The following TENM3 variants were observed in gnomAD, a reference collection of about 807,000 sequenced individuals.
TENM3 encodes the protein teneurin transmembrane protein 3, also known as teneurin-3.
Under a neutral mutation model 255.1 loss-of-function variants are expected in TENM3, and 63 were observed. The observed-to-expected ratio is 0.25, with a 90% confidence interval of 0.20 to 0.30. The LOEUF (loss-of-function observed/expected upper bound fraction) is 0.30, where lower values mean the gene tolerates loss of function less well. Among genes scored for constraint, TENM3 ranks in the 10% least tolerant of loss-of-function variants. TENM3 has a pLI of 1.00. For synonymous variants in TENM3, 1,306 were observed against 1,322.3 expected (o/e 0.99, Z 0.27); for missense variants, 2,929 against 3,461.1 (o/e 0.85, Z 3.86).
chr4:181,992,161 GAACGGA>G, the TENM3 span, among the ~76,000 whole-genome samples: 3 of 151,990 alleles, frequency 2.0e-5, no homozygotes, highest in South Asian at 6.2e-4. Flanking sequence ...ATGCCTTTTT[GAACGGA>G]AATAACAGGC....
intron 1 of TENM3, among the ~76,000 whole-genome samples, chr4:182,253,820 C>A (rs1378716248): frequency 6.6e-6 from 1 of 152,044 alleles, no homozygotes; most frequent in Non-Finnish European, 1.5e-5. Flanking sequence ...GTGACATTTG[C>A]CTCTAAATCG....
intron 11 of TENM3, 143 bp downstream of exon 11, chr4:182,682,157 G>A (rs573908044): frequency 2.8e-6 from 2 of 720,222 alleles, no homozygotes; most frequent in Non-Finnish European, 4.5e-6. Flanking sequence ...TAAAAGTAAT[G>A]ATATGTAGTT....
rs764345059 is a variant in TENM3, at chr4:182,346,833, G to A, written c.415G>A (p.Val139Ile). 18 of 1,613,220 alleles carry A rather than the reference G, an allele frequency of 1.1e-5. No homozygotes were observed. In the South Asian group the frequency reaches 1.6e-4, roughly 15 times the overall value. Residue 139 changes from valine (V) to isoleucine (I), a missense_variant, in exon 3 of 28, where the codon GTC becomes ATC. By Grantham distance (29) the Val-to-Ile change is conservative. Transcript: ENST00000511685. The part of the protein sequence containing the change: ...EHAMRLWGRG[V>I]KSGRSSCLSS... ...TGCCATGAGACTTTGGGGCAGGGGG[G>A]TCAAATCAGGCCGCAGCTCCTGCCT...
chr4:182,373,166 T>TTC (rs1766961068), intron 3 of TENM3, among the ~76,000 whole-genome samples: 1 of 152,184 alleles, frequency 6.6e-6, no homozygotes, highest in East Asian at 1.9e-4. Context: ...TGCCATTGCT[T>TTC]TGCAGAGAAG....
At chr4:181,608,743 G>T in the TENM3 span, among the ~76,000 whole-genome samples, 1 of 152,144 alleles carries the variant, frequency 6.6e-6, no homozygotes. Context: ...GTGTCAAGGG[G>T]TTCAAGGGCT....
At chr4:182,485,710 A>G (rs895868030) in intron 3 of TENM3, among the ~76,000 whole-genome samples, 2 of 152,164 alleles carry the variant, frequency 1.3e-5, no homozygotes, top group African/African-American at 2.4e-5. Context: ...AAAAACCAGT[A>G]TTTCGGTAAT....
the TENM3 span, among the ~76,000 whole-genome samples, chr4:182,036,487 G>A: frequency 2.6e-5 from 4 of 151,058 alleles, no homozygotes; most frequent in Non-Finnish European, 5.9e-5. Context: ...CACCGCACCC[G>A]GCCGATAATC....
At chr4:181,495,078 T>G in the TENM3 span, among the ~76,000 whole-genome samples, 1 of 152,196 alleles carries the variant, frequency 6.6e-6, no homozygotes, top group African/African-American at 2.4e-5. Context: ...TTAAAGATAA[T>G]CAGTAAGGAA....
intron 3 of TENM3, among the ~76,000 whole-genome samples, chr4:182,363,212 A>G (rs1766153631): frequency 6.6e-6 from 1 of 152,198 alleles, no homozygotes; most frequent in African/African-American, 2.4e-5. Flanking sequence ...GATTGCTGTC[A>G]GGACTAGTCC....
rs1397631706 is a variant in TENM3, at chr4:182,802,921, GTTCTT to G, written c.*2574_*2578del. ...ATGTAAATTTTGTCTGATTTGTATT[GTTCTT>G]TTCATTTGCCTTCTTAACTTTATAT... On this transcript the variant is annotated 3_prime_UTR_variant, in exon 28 of 28. Transcript: ENST00000511685. 2.6e-5 allele frequency: 4 copies of G among 152,562 alleles called. No homozygotes were observed. Among genetic ancestry groups the G allele is most frequent in the Non-Finnish European group, 5.9e-5 (4 of 68,022 alleles). 9.5% of individuals were successfully genotyped at this position (152,562 alleles called of 1,614,324 possible).
intron 3 of TENM3, among the ~76,000 whole-genome samples, chr4:182,409,342 T>C (rs1290119834): frequency 6.6e-6 from 1 of 152,236 alleles, no homozygotes; most frequent in Non-Finnish European, 1.5e-5. Context: ...ACACAACTTC[T>C]ATTAGAAAAT....
chr4:181,636,351 C>T, the TENM3 span, among the ~76,000 whole-genome samples: 45 of 152,158 alleles, frequency 3.0e-4, no homozygotes, highest in Non-Finnish European at 4.4e-5. Flanking sequence ...CCATTTCTTG[C>T]TCTTCAGGCC....
At chr4:181,614,722 C>A in the TENM3 span, among the ~76,000 whole-genome samples, 3 of 152,186 alleles carry the variant, frequency 2.0e-5, no homozygotes, top group African/African-American at 7.2e-5. Flanking sequence ...CTTCTATGGG[C>A]GATTTGCAAC....
chr4:182,032,719 C>T, the TENM3 span, among the ~76,000 whole-genome samples: 1 of 152,124 alleles, frequency 6.6e-6, no homozygotes, highest in African/African-American at 2.4e-5. Flanking sequence ...ATTACTGCCT[C>T]AATTTGATAA....
rs150833742 is a variant in TENM3 at position 182,726,605 on chromosome 4, G to A, written c.2369-2360G>A. Among the ~76,000 whole-genome samples the A allele has an allele frequency of 4.9e-3, 739 of 152,280 alleles. 4 individuals are homozygous for A. Among genetic ancestry groups the A allele is most frequent in the African/African-American group, 0.017 (692 of 41,548 alleles). On this transcript the variant is annotated intron_variant, in intron 13 of 27. Transcript: ENST00000511685. Reference sequence around the variant, plus strand: ...ACCTGTACATTTCTGAACCAAACAGGAAGGGAAGGTTATGCACATGGCCTG... The same window carrying A: ...ACCTGTACATTTCTGAACCAAACAGAAAGGGAAGGTTATGCACATGGCCTG...
the TENM3 span, among the ~76,000 whole-genome samples, chr4:181,476,312 G>T: frequency 6.6e-6 from 1 of 151,436 alleles, no homozygotes; most frequent in Non-Finnish European, 1.5e-5. Flanking sequence ...GGCTGGCTCC[G>T]AATGCAGCAA....
At chr4:181,494,939 C>A in the TENM3 span, among the ~76,000 whole-genome samples, 1 of 152,094 alleles carries the variant, frequency 6.6e-6, no homozygotes, top group Non-Finnish European at 1.5e-5. Context: ...CCCCAATTCC[C>A]ACCTACTTCA....
At chr4:181,986,996 C>T in the TENM3 span, among the ~76,000 whole-genome samples, 3 of 152,056 alleles carry the variant, frequency 2.0e-5, no homozygotes, top group Admixed American at 1.3e-4. Flanking sequence ...GCCCATGACT[C>T]CTGAATCAGT....
At chr4:182,658,867 G>T (rs1308281793) in intron 6 of TENM3, among the ~76,000 whole-genome samples, 3 of 152,152 alleles carry the variant, frequency 2.0e-5, no homozygotes, top group African/African-American at 7.2e-5. Flanking sequence ...CACCAGCTGG[G>T]GCACCTAGAC....
Sources: allele counts gnomAD v4.1 joint callset (sites outside exome capture counted in the v4.1 genomes callset), GRCh38; gene constraint gnomAD v4.1.1; transcripts MANE v1.5; gene names NCBI Gene and HGNC (gene_info 2026-07-23, HGNC 2026-07-21).